The following LRRIQ3 variants were observed in gnomAD, a reference collection of about 807,000 sequenced individuals.
LRRIQ3 encodes the protein leucine-rich repeat and IQ domain-containing protein 3.
LRRIQ3 carries 75 observed loss-of-function variants against 59.3 expected under a neutral mutation model. The ratio of observed to expected loss-of-function variants is 1.26; its 90% CI spans 1.05 to 1.53. The LOEUF (loss-of-function observed/expected upper bound fraction) is 1.53. Ranked by LOEUF, LRRIQ3 falls within the 40% of genes most tolerant of loss-of-function variation. The pLI, the probability that LRRIQ3 is intolerant of heterozygous loss-of-function variation, is 0.00. For synonymous variants in LRRIQ3, 250 were observed against 231.3 expected (o/e 1.08, Z -0.73); for missense variants, 831 against 710.0 (o/e 1.17, Z -1.94).
At chr1:74,078,197 C>T (rs560483609) in intron 5 of LRRIQ3, among the ~76,000 whole-genome samples, 1 of 151,742 alleles carries the variant, frequency 6.6e-6, no homozygotes, top group African/African-American at 2.4e-5. Flanking sequence ...AGATCAGAAA[C>T]GTTGAGTGAC....
chr1:74,182,508 T>A, intron 3 of LRRIQ3, 30 bp downstream of exon 3: 7 of 1,395,854 alleles, frequency 5.0e-6, no homozygotes, highest in Non-Finnish European at 6.6e-6. Context: ...ATACATTTAA[T>A]TAAAATGAAA....
intron 5 of LRRIQ3, among the ~76,000 whole-genome samples, chr1:74,107,026 CTA>C (rs1646624753): frequency 6.6e-6 from 1 of 151,972 alleles, no homozygotes; most frequent in South Asian, 2.1e-4. Flanking sequence ...TTCTGGTTCT[CTA>C]TCTCATTTAC....
intron 6 of LRRIQ3, chr1:74,050,592 C>T (rs746598391): frequency 1.2e-5 from 12 of 985,214 alleles, no homozygotes; most frequent in Non-Finnish European, 1.4e-5. Flanking sequence ...ACAAATGGTC[C>T]AAACCTATTT....
chr1:74,157,793 C>A (rs1648428525), intron 3 of LRRIQ3, among the ~76,000 whole-genome samples: 1 of 152,086 alleles, frequency 6.6e-6, no homozygotes, highest in Non-Finnish European at 1.5e-5. Flanking sequence ...GCTTTTTAAT[C>A]TCTACACATC....
intron 3 of LRRIQ3, among the ~76,000 whole-genome samples, chr1:74,176,206 C>T (rs1439663150): frequency 6.6e-6 from 1 of 152,090 alleles, no homozygotes; most frequent in East Asian, 1.9e-4. Flanking sequence ...ATTCCTTCTT[C>T]ATTCCTGAGG....
rs555835032 is a variant in LRRIQ3, at chr1:74,051,170, T to A, written c.998-9237A>T. ...GGAGCCTATTTCTTTATATTCTACATGGGAAAATTGTAACACATTAAATGT... is the reference window on the plus strand; with the variant it reads ...GGAGCCTATTTCTTTATATTCTACAAGGGAAAATTGTAACACATTAAATGT... On this transcript the variant is annotated intron_variant, in intron 6 of 7. Coordinates refer to ENST00000354431, the MANE Select transcript of LRRIQ3 (RefSeq NM_001105659.2). Among the ~76,000 whole-genome samples the A allele has an allele frequency of 8.8e-4, 134 of 152,254 alleles. 1 individual carries two copies. The highest frequency in any genetic ancestry group is 3.0e-3 in the African/African-American group (124 of 41,574).
intron 5 of LRRIQ3, among the ~76,000 whole-genome samples, chr1:74,099,181 A>G (rs1213350313): frequency 6.6e-6 from 1 of 152,192 alleles, no homozygotes; most frequent in Non-Finnish European, 1.5e-5. Context: ...AGAAGAAAAG[A>G]GACAAGAATC....
intron 6 of LRRIQ3, among the ~76,000 whole-genome samples, chr1:74,059,696 T>C (rs1244270811): frequency 1.3e-5 from 2 of 152,102 alleles, no homozygotes; most frequent in Non-Finnish European, 2.9e-5. Context: ...CTACATTCTA[T>C]GTGGACTTTA....
At chr1:74,112,995 C>T (rs958992640) in intron 4 of LRRIQ3, among the ~76,000 whole-genome samples, 15 of 151,502 alleles carry the variant, frequency 9.9e-5, no homozygotes, top group Admixed American at 4.6e-4. Flanking sequence ...AGACAACAGG[C>T]GAAACAAAGA....
At chr1:74,131,624 C>G (rs962748504) in intron 4 of LRRIQ3, among the ~76,000 whole-genome samples, 1 of 152,046 alleles carries the variant, frequency 6.6e-6, no homozygotes, top group African/African-American at 2.4e-5. Flanking sequence ...AAGACAAAAA[C>G]CACATGATTA....
At chr1:74,112,182 A>C (rs1175326444) in intron 4 of LRRIQ3, among the ~76,000 whole-genome samples, 1 of 152,134 alleles carries the variant, frequency 6.6e-6, no homozygotes, top group Non-Finnish European at 1.5e-5. Context: ...CCTCCTTCTG[A>C]TCTAGGACAG....
At chr1:74,083,948 T>C (rs1325758465) in intron 5 of LRRIQ3, 3 of 393,212 alleles carry the variant, frequency 7.6e-6, no homozygotes, top group Non-Finnish European at 1.4e-5. Flanking sequence ...AGCTTTCTTA[T>C]ATGAGGAAGG....
intron 6 of LRRIQ3, among the ~76,000 whole-genome samples, chr1:74,045,492 A>G (rs1287904832): frequency 6.6e-6 from 1 of 152,196 alleles, no homozygotes; most frequent in African/African-American, 2.4e-5. Flanking sequence ...TGACAAACCC[A>G]CAGCCAACAT....
intron 4 of LRRIQ3, among the ~76,000 whole-genome samples, chr1:74,122,395 G>C (rs555466297): frequency 1.1e-4 from 16 of 152,236 alleles, no homozygotes; most frequent in African/African-American, 3.8e-4. Context: ...AGAAGTGTCT[G>C]TTCATATCCT....
At chr1:74,162,044 T>C (rs910236790) in intron 3 of LRRIQ3, among the ~76,000 whole-genome samples, 4 of 151,874 alleles carry the variant, frequency 2.6e-5, no homozygotes, top group African/African-American at 9.7e-5. Context: ...ATAGGGTAAA[T>C]AACCTATCTG....
chr1:74,041,090 A>T, intron 7 of LRRIQ3, 123 bp downstream of exon 7: 1 of 792,338 alleles, frequency 1.3e-6, no homozygotes, highest in Non-Finnish European at 1.9e-6. Context: ...CTTTGTTTTA[A>T]TTTTTCAAAG....
chr1:74,126,209 C>T (rs1042663891), intron 4 of LRRIQ3, among the ~76,000 whole-genome samples: 2 of 151,760 alleles, frequency 1.3e-5, no homozygotes, highest in Non-Finnish European at 2.9e-5. Flanking sequence ...TCTCTACTAT[C>T]ATCTCTGATT....
intron 5 of LRRIQ3, among the ~76,000 whole-genome samples, chr1:74,081,542 T>C (rs1419611559): frequency 6.6e-6 from 1 of 151,466 alleles, no homozygotes; most frequent in Admixed American, 6.6e-5. Flanking sequence ...TAGTTTCAAA[T>C]TGAGGAAAAA....
At chr1:74,036,061 G>A (rs1284445232) in intron 7 of LRRIQ3, among the ~76,000 whole-genome samples, 2 of 152,210 alleles carry the variant, frequency 1.3e-5, no homozygotes, top group East Asian at 3.9e-4. Context: ...TGTATGGCAG[G>A]GCAAGGGAGA....
Sources: allele counts gnomAD v4.1 joint callset (sites outside exome capture counted in the v4.1 genomes callset), GRCh38; gene constraint gnomAD v4.1.1; transcripts MANE v1.5; gene names NCBI Gene and HGNC (gene_info 2026-07-23, HGNC 2026-07-21).